RYK: variants seen among roughly 807,000 people sequenced by gnomAD.
RYK encodes inactive tyrosine-protein kinase RYK.
RYK carries 21 observed loss-of-function variants against 70.2 expected under a neutral mutation model. The ratio of observed to expected loss-of-function variants is 0.30; its 90% CI spans 0.21 to 0.43. The LOEUF (loss-of-function observed/expected upper bound fraction) is 0.43. Among genes scored for constraint, RYK ranks in the 20% least tolerant of loss-of-function variants. RYK has a pLI of 1.00. For missense variants in RYK, 604 were observed against 753.3 expected (o/e 0.80, Z 2.32); for synonymous variants, 267 against 278.0 (o/e 0.96, Z 0.39).
intron 2 of RYK, among the ~76,000 whole-genome samples, chr3:134,218,996 C>T (rs1035657689): frequency 6.6e-6 from 1 of 152,168 alleles, no homozygotes; most frequent in Non-Finnish European, 1.5e-5. Flanking sequence ...CAAAAAAAAT[C>T]AGGAAACTTC....
At chr3:134,211,426 C>G in intron 3 of RYK, 82 bp downstream of exon 3, 1 of 851,972 alleles carries the variant, frequency 1.2e-6, no homozygotes, top group South Asian at 1.7e-5. Flanking sequence ...ACACACTACA[C>G]ATCAGTAAAC....
intron 1 of RYK, among the ~76,000 whole-genome samples, chr3:134,243,340 A>G (rs1323510443): frequency 6.6e-6 from 1 of 152,014 alleles, no homozygotes; most frequent in Non-Finnish European, 1.5e-5. Context: ...GCCTTAGTTG[A>G]TCCCTCTTAT....
At chr3:134,217,396 G>T (rs1245808470) in intron 2 of RYK, among the ~76,000 whole-genome samples, 1 of 152,136 alleles carries the variant, frequency 6.6e-6, no homozygotes, top group Non-Finnish European at 1.5e-5. Flanking sequence ...CCCATTTCAG[G>T]TCATCTCTAC....
chr3:134,204,895 G>A (rs1036345277), intron 5 of RYK, among the ~76,000 whole-genome samples: 6 of 152,158 alleles, frequency 3.9e-5, no homozygotes, highest in Non-Finnish European at 8.8e-5. Context: ...GAAGAATGCC[G>A]TGTAGGGGAG....
At chr3:134,220,374 G>A (rs1438570283) in intron 2 of RYK, among the ~76,000 whole-genome samples, 2 of 152,114 alleles carry the variant, frequency 1.3e-5, no homozygotes, top group African/African-American at 4.8e-5. Context: ...TATTTTGGTT[G>A]TATAAAGAAT....
At chr3:134,197,015 C>T (rs1393087649) in intron 6 of RYK, among the ~76,000 whole-genome samples, 2 of 152,122 alleles carry the variant, frequency 1.3e-5, no homozygotes, top group Non-Finnish European at 2.9e-5. Context: ...TTGCAAATTG[C>T]AGTTTTTGTC....
intron 2 of RYK, among the ~76,000 whole-genome samples, chr3:134,216,819 A>AAAAAAAAAAAC: frequency 6.7e-6 from 1 of 148,898 alleles, no homozygotes; most frequent in Non-Finnish European, 1.5e-5. Context: ...AAAAAAAAAA[A>AAAAAAAAAAAC]AAGCTACTGA....
intron 4 of RYK, 128 bp downstream of exon 4, chr3:134,209,567 A>G (rs771186901): frequency 7.8e-6 from 5 of 637,860 alleles, no homozygotes; most frequent in African/African-American, 1.9e-5. Flanking sequence ...TTCACCTGCC[A>G]GTGCTCTTTT....
intron 13 of RYK, among the ~76,000 whole-genome samples, chr3:134,166,693 A>G (rs1241930617): frequency 2.0e-5 from 3 of 152,214 alleles, no homozygotes; most frequent in Non-Finnish European, 4.4e-5. Flanking sequence ...ATTAAACAGA[A>G]TAAGGACAAG....
chr3:134,222,580 A>G (rs1364978246), intron 1 of RYK, 41 bp from the exon 2 acceptor site: 9 of 1,440,202 alleles, frequency 6.2e-6, no homozygotes, highest in Non-Finnish European at 8.6e-6. Context: ...CACTTAAAAT[A>G]TTCTCAAAAT....
intron 6 of RYK, among the ~76,000 whole-genome samples, chr3:134,200,250 T>C (rs961343035): frequency 3.9e-5 from 6 of 152,118 alleles, no homozygotes; most frequent in Admixed American, 1.3e-4. Context: ...GCTGTAACAC[T>C]GCGAAGGTCT....
chr3:134,179,461 C>A (rs947465141), intron 10 of RYK: 1 of 152,166 alleles, frequency 6.6e-6, no homozygotes, highest in Admixed American at 6.5e-5. Flanking sequence ...AAGAGGCAAC[C>A]TCTCTATAAC....
rs1333440132 is a variant in RYK at position 134,249,930 on chromosome 3, T to TTTG, written c.232+492_232+493insCAA. Among the ~76,000 whole-genome samples, 5 of 147,752 alleles carry TTTG rather than the reference T, an allele frequency of 3.4e-5. 1 individual carries two copies. Among genetic ancestry groups the TTTG allele is most frequent in the African/African-American group, 1.3e-4 (5 of 38,928 alleles). Reference sequence around the variant, plus strand: ...TCTTTCTCTCTCGTTTTTTTTTTTTTTTTTTTTTTTTTTGTAAAAGGGTAA... The same window carrying TTTG: ...TCTTTCTCTCTCGTTTTTTTTTTTTTTTGTTTTTTTTTTTTTGTAAAAGGGTAA... On this transcript the variant is annotated intron_variant, in intron 1 of 14. Coordinates refer to ENST00000623711, the MANE Select transcript of RYK (RefSeq NM_002958.4).
At chr3:134,207,433 A>T in intron 5 of RYK, 39 bp downstream of exon 5, 1 of 1,352,886 alleles carries the variant, frequency 7.4e-7, no homozygotes, top group Non-Finnish European at 1.0e-6. Context: ...ACCATTTTTC[A>T]TTTCTAATAA....
At chr3:134,249,262 C>CT (rs1702604062) in intron 1 of RYK, among the ~76,000 whole-genome samples, 1 of 152,138 alleles carries the variant, frequency 6.6e-6, no homozygotes, top group Non-Finnish European at 1.5e-5. Flanking sequence ...GAGCATTCTT[C>CT]TTTGGCTAAA....
rs149736250 is a variant in RYK at position 134,235,889 on chromosome 3, G to C, written c.233-13350C>G. 2.9e-3 allele frequency among the ~76,000 whole-genome samples: 446 copies of C among 152,246 alleles called. 1 individual carries two copies. The highest frequency in any genetic ancestry group is 0.01 in the African/African-American group (417 of 41,544). ...TAACTCTTTATGAGACTAGGAAACA[G>C]AGCCTGGTTCCAATAGAAGGGAGTG... On this transcript the variant is annotated intron_variant, in intron 1 of 14. Coordinates refer to ENST00000623711, the MANE Select transcript of RYK (RefSeq NM_002958.4).
intron 4 of RYK, among the ~76,000 whole-genome samples, chr3:134,208,925 TC>T (rs147886705): frequency 0.019 from 2,918 of 150,314 alleles, 76 homozygotes; most frequent in African/African-American, 0.068. Flanking sequence ...AAAGTATATT[TC>T]CCCCCCCCAT....
At chr3:134,219,821 T>C (rs1207201421) in intron 2 of RYK, among the ~76,000 whole-genome samples, 1 of 152,138 alleles carries the variant, frequency 6.6e-6, no homozygotes, top group Non-Finnish European at 1.5e-5. Flanking sequence ...GGAAACACAC[T>C]ACCCTCACCA....
At chr3:134,220,291 T>C (rs1175736463) in intron 2 of RYK, among the ~76,000 whole-genome samples, 1 of 152,204 alleles carries the variant, frequency 6.6e-6, no homozygotes, top group Non-Finnish European at 1.5e-5. Flanking sequence ...ATTGTTGTGA[T>C]AATTGATAAA....
Sources: gnomAD v4.1 joint callset for allele counts (sites outside exome capture counted in the v4.1 genomes callset) on GRCh38, gnomAD v4.1.1 for gene constraint, MANE v1.5 for transcripts, NCBI Gene and HGNC (gene_info 2026-07-23, HGNC 2026-07-21) for gene names.